DENND4A: variants seen among roughly 807,000 people sequenced by gnomAD.
DENND4A encodes DENN domain containing 4A.
A neutral mutation model predicts 199.3 loss-of-function variants in DENND4A; 70 were observed. The observed-to-expected ratio is 0.35, with a 90% confidence interval of 0.29 to 0.43. The LOEUF is 0.43. DENND4A is among the 20% of genes least tolerant of loss of function. The pLI is 1.00. For synonymous variants in DENND4A, 686 were observed against 766.9 expected (o/e 0.89, Z 1.74); for missense variants, 1,723 against 2,255.8 (o/e 0.76, Z 4.78).
intron 7 of DENND4A, among the ~76,000 whole-genome samples, chr15:65,733,328 G>C (rs1023628393): frequency 5.3e-5 from 8 of 152,002 alleles, no homozygotes; most frequent in Admixed American, 2.6e-4. Context: ...TAAAAAGCTA[G>C]ATCTATGGAT....
At chr15:65,722,548 T>C (rs907470913) in intron 12 of DENND4A, among the ~76,000 whole-genome samples, 2 of 152,094 alleles carry the variant, frequency 1.3e-5, no homozygotes, top group African/African-American at 4.8e-5. Flanking sequence ...TAAACCACCT[T>C]AACATCCTTT....
At chr15:65,731,997 C>T (rs1013241791) in intron 8 of DENND4A, among the ~76,000 whole-genome samples, 9 of 151,992 alleles carry the variant, frequency 5.9e-5, no homozygotes, top group African/African-American at 1.9e-4. Flanking sequence ...TACCATAATA[C>T]CAGGGTCAAA....
chr15:65,677,385 T>C (rs1301692827), intron 23 of DENND4A, among the ~76,000 whole-genome samples: 1 of 151,786 alleles, frequency 6.6e-6, no homozygotes, highest in Admixed American at 6.6e-5. Context: ...AATTTTTGTA[T>C]TGTTGGTAGA....
At chr15:65,717,598 T>C (rs1430695721) in intron 13 of DENND4A, among the ~76,000 whole-genome samples, 180 bp downstream of exon 13, 3 of 152,144 alleles carry the variant, frequency 2.0e-5, no homozygotes, top group Non-Finnish European at 2.9e-5. Context: ...GGATTATATC[T>C]AATATGCCTG....
At chr15:65,760,042 ATC>A (rs1226590387) in intron 2 of DENND4A, among the ~76,000 whole-genome samples, 1 of 152,222 alleles carries the variant, frequency 6.6e-6, no homozygotes, top group Non-Finnish European at 1.5e-5. Flanking sequence ...CAAAGGTTAT[ATC>A]AGCCTTTATT....
chr15:65,790,557 A>T (rs1301776343), intron 1 of DENND4A, among the ~76,000 whole-genome samples: 1 of 152,208 alleles, frequency 6.6e-6, no homozygotes, highest in Non-Finnish European at 1.5e-5. Context: ...ATTATGTAAC[A>T]TATTATATAT....
chr15:65,764,382 G>A (rs1307700601), intron 1 of DENND4A, among the ~76,000 whole-genome samples: 1 of 152,162 alleles, frequency 6.6e-6, no homozygotes, highest in Non-Finnish European at 1.5e-5. Flanking sequence ...TATAACCCCA[G>A]CACTCTGGGA....
intron 3 of DENND4A, 130 bp downstream of exon 3, chr15:65,756,010 G>C: frequency 1.2e-6 from 1 of 800,862 alleles, no homozygotes; most frequent in Non-Finnish European, 1.9e-6. Context: ...ACAGGTTTCT[G>C]AATACAAACT....
chr15:65,729,264 A>G lies in DENND4A; in HGVS notation c.1312-17T>C, dbSNP rs1409688160. ...GAAAATCATCTTGGATAAACAAAAG[A>G]TAGGAGAGAATTTAGCTTTTTAACA... is the stretch of plus-strand genomic sequence containing the variant. On this transcript the variant is annotated splice_polypyrimidine_tract_variant and intron_variant, in intron 10 of 32. Coordinates refer to ENST00000443035, the MANE Select transcript of DENND4A (RefSeq NM_001320835.1). The G allele has an allele frequency of 6.4e-7, 1 of 1,558,848 alleles. No individual in the cohort carries two copies. Among genetic ancestry groups the G allele is most frequent in the South Asian group, 1.2e-5 (1 of 84,456 alleles).
intron 4 of DENND4A, among the ~76,000 whole-genome samples, chr15:65,747,017 A>G (rs1479420977): frequency 1.3e-5 from 2 of 151,914 alleles, no homozygotes; most frequent in African/African-American, 2.4e-5. Flanking sequence ...GGGATAGGAC[A>G]ATCACTTGAA....
chr15:65,687,946 G>C (rs2076847640), intron 23 of DENND4A, among the ~76,000 whole-genome samples: 1 of 152,010 alleles, frequency 6.6e-6, no homozygotes, highest in South Asian at 2.1e-4. Flanking sequence ...AATTTTGGAG[G>C]TTTCAGCCAT....
chr15:65,739,366 T>C (rs1376584500), intron 5 of DENND4A, among the ~76,000 whole-genome samples: 1 of 152,196 alleles, frequency 6.6e-6, no homozygotes, highest in South Asian at 2.1e-4. Flanking sequence ...ATTTACAATG[T>C]CTTAGGAATA....
intron 23 of DENND4A, among the ~76,000 whole-genome samples, chr15:65,686,795 C>G (rs925402049): frequency 2.4e-4 from 36 of 151,902 alleles, no homozygotes; most frequent in African/African-American, 8.0e-4. Context: ...GTTCAAGCAA[C>G]ACACCTGCCT....
chr15:65,688,687 C>T (rs1047827701), intron 23 of DENND4A, among the ~76,000 whole-genome samples: 1 of 152,182 alleles, frequency 6.6e-6, no homozygotes, highest in Non-Finnish European at 1.5e-5. Flanking sequence ...GCCTCTTTCT[C>T]AGGCTTCTCT....
chr15:65,779,470 G>GA (rs963347982), intron 1 of DENND4A, among the ~76,000 whole-genome samples: 2 of 151,096 alleles, frequency 1.3e-5, no homozygotes, highest in South Asian at 2.1e-4. Flanking sequence ...AAAAGAGAAG[G>GA]AAAAAAAAGC....
rs143215744 is a variant in DENND4A, at chr15:65,764,617, C to G, written c.-101-3179G>C. Reference sequence around the variant, plus strand: ...CTGCACTCCAACCTGGGCAATACAGCAAGACTCTGTCTCAAAAAAACCCAA... The same window carrying G: ...CTGCACTCCAACCTGGGCAATACAGGAAGACTCTGTCTCAAAAAAACCCAA... On this transcript the variant is annotated intron_variant, in intron 1 of 32. Transcript: ENST00000443035. Among the ~76,000 whole-genome samples, 687 of 151,918 alleles carry G rather than the reference C, an allele frequency of 4.5e-3. 2 individuals carry two copies. Among genetic ancestry groups the G allele is most frequent in the African/African-American group, 0.015 (639 of 41,390 alleles).
chr15:65,755,358 C>CT (rs532762494), intron 3 of DENND4A, among the ~76,000 whole-genome samples: 3 of 152,202 alleles, frequency 2.0e-5, no homozygotes, highest in African/African-American at 7.2e-5. Flanking sequence ...GAATTGTACA[C>CT]TTTAAATAAA....
chr15:65,715,681 A>G (rs1352914363), intron 13 of DENND4A, 58 bp from the exon 14 acceptor site: 3 of 1,450,258 alleles, frequency 2.1e-6, no homozygotes, highest in Non-Finnish European at 2.7e-6. Flanking sequence ...GATTCACAGA[A>G]TATTTGCACT....
chr15:65,729,600 T>C lies in DENND4A; in HGVS notation c.1245A>G (p.Glu415=). 6.3e-7 allele frequency: 1 copy of C among 1,593,360 alleles called. No homozygotes were observed. The highest frequency in any genetic ancestry group is 8.6e-7 in the Non-Finnish European group (1 of 1,168,988). Residue 415 remains glutamate (E), a synonymous_variant, in exon 10 of 33, where the codon GAA becomes GAG. Coordinates refer to ENST00000443035, the MANE Select transcript of DENND4A (RefSeq NM_001320835.1). ...GTAGGGAATGGATAAGAATTTTATG[T>C]TCTGTTACTGCAAACACCAGTAGTG... ...AVTLLVFAVT[E]HKILIHSLRP...
Sources: gnomAD v4.1 joint callset for allele counts (sites outside exome capture counted in the v4.1 genomes callset) on GRCh38, gnomAD v4.1.1 for gene constraint, MANE v1.5 for transcripts, NCBI Gene and HGNC (gene_info 2026-07-23, HGNC 2026-07-21) for gene names.